Variants in EFNA5 observed in about 807,000 individuals in gnomAD.
EFNA5 encodes the protein ephrin A5.
EFNA5 carries 5 observed loss-of-function variants against 22.9 expected under a neutral mutation model. The observed-to-expected ratio is 0.22, with a 90% CI of 0.11 to 0.46. EFNA5 has a LOEUF of 0.46. Among genes scored for constraint, EFNA5 ranks in the 20% least tolerant of loss-of-function variants. The pLI is 0.99. For synonymous variants in EFNA5, 113 were observed against 112.2 expected (o/e 1.01, Z -0.04); for missense variants, 237 against 293.3 (o/e 0.81, Z 1.40).
chr5:107,454,408 G>T (rs1039294060), intron 1 of EFNA5, among the ~76,000 whole-genome samples: 1 of 151,918 alleles, frequency 6.6e-6, no homozygotes, highest in Non-Finnish European at 1.5e-5. Flanking sequence ...ATCATCCAAA[G>T]GACTACATTA....
rs888285550 is a variant in EFNA5 at position 107,628,338 on chromosome 5, C to T, written c.125+42151G>A. On this transcript the variant is annotated intron_variant, in intron 1 of 4. Transcript: ENST00000333274. ...AACTTTAATTTTAAAAATAAATAGG[C>T]TTATTAAGTTACACATATTGTAATA... Among the ~76,000 whole-genome samples the T allele has an allele frequency of 5.9e-5, 9 of 152,206 alleles. 1 individual carries two copies. The highest frequency in any genetic ancestry group is 3.3e-4 in the Admixed American group (5 of 15,292).
intron 1 of EFNA5, among the ~76,000 whole-genome samples, chr5:107,429,076 A>C (rs1160504661): frequency 6.6e-6 from 1 of 152,142 alleles, no homozygotes; most frequent in Non-Finnish European, 1.5e-5. Context: ...ATTCCCCATA[A>C]AATGCAGCAC....
chr5:107,658,396 C>A (rs1386079847), intron 1 of EFNA5, among the ~76,000 whole-genome samples: 1 of 152,022 alleles, frequency 6.6e-6, no homozygotes, highest in Non-Finnish European at 1.5e-5. Flanking sequence ...CTACAGAGAC[C>A]AAATCTTATA....
chr5:107,555,882 C>T (rs1414937316), intron 1 of EFNA5, among the ~76,000 whole-genome samples: 1 of 152,220 alleles, frequency 6.6e-6, no homozygotes, highest in South Asian at 2.1e-4. Context: ...CCTTAGGGTG[C>T]AGAGTAAAAC....
chr5:107,403,206 G>C (rs1748129593), intron 2 of EFNA5, among the ~76,000 whole-genome samples: 1 of 152,172 alleles, frequency 6.6e-6, no homozygotes, highest in Non-Finnish European at 1.5e-5. Context: ...AAAAGAGTTA[G>C]ACACGATTTC....
chr5:107,513,322 C>G (rs1035328174), intron 1 of EFNA5, among the ~76,000 whole-genome samples: 1 of 152,146 alleles, frequency 6.6e-6, no homozygotes, highest in Non-Finnish European at 1.5e-5. Context: ...AGGAAACACT[C>G]GCTTGGGAGC....
intron 2 of EFNA5, among the ~76,000 whole-genome samples, chr5:107,406,344 T>C (rs1245338168): frequency 2.6e-5 from 4 of 152,014 alleles, no homozygotes; most frequent in South Asian, 4.1e-4. Context: ...TCTACGTTCC[T>C]TTCCCTTTGT....
chr5:107,632,560 C>T lies in EFNA5; in HGVS notation c.125+37929G>A, dbSNP rs1401965527. Among the ~76,000 whole-genome samples the T allele has an allele frequency of 1.3e-5, 2 of 152,118 alleles. 1 individual carries two copies. The highest frequency in any genetic ancestry group is 3.9e-4 in the East Asian group (2 of 5,188). On this transcript the variant is annotated intron_variant, in intron 1 of 4. Coordinates refer to ENST00000333274, the MANE Select transcript of EFNA5 (RefSeq NM_001962.3). The stretch of plus-strand genomic sequence containing the variant: ...ATTCTCCCCTCCAGCATCCTTTCCC[C>T]GTCTTCCTTGTTCTTCTCTTCATCT...
chr5:107,468,159 C>G (rs1750042506), intron 1 of EFNA5, among the ~76,000 whole-genome samples: 1 of 152,128 alleles, frequency 6.6e-6, no homozygotes, highest in Admixed American at 6.6e-5. Flanking sequence ...AATGCAAAAT[C>G]ACAGTTTTTA....
At chr5:107,468,333 C>CT (rs1295596256) in intron 1 of EFNA5, among the ~76,000 whole-genome samples, 2 of 152,118 alleles carry the variant, frequency 1.3e-5, no homozygotes, top group Non-Finnish European at 2.9e-5. Flanking sequence ...AACAAAATTG[C>CT]TTTTAATGAC....
chr5:107,565,302 G>A (rs1748642473), intron 1 of EFNA5, among the ~76,000 whole-genome samples: 1 of 152,178 alleles, frequency 6.6e-6, no homozygotes, highest in Admixed American at 6.5e-5. Context: ...AGTACGCATA[G>A]CTATGCTATG....
chr5:107,616,646 G>A (rs1234885187), intron 1 of EFNA5, among the ~76,000 whole-genome samples: 4 of 152,120 alleles, frequency 2.6e-5, no homozygotes, highest in African/African-American at 9.7e-5. Context: ...GACAAAGGAA[G>A]AAAGAAAAGA....
intron 1 of EFNA5, among the ~76,000 whole-genome samples, chr5:107,654,165 G>A (rs1397528308): frequency 1.3e-5 from 2 of 152,064 alleles, no homozygotes; most frequent in African/African-American, 2.4e-5. Context: ...AGTAAAAGAG[G>A]CTTACTATGG....
At chr5:107,534,837 A>G (rs779445267) in intron 1 of EFNA5, among the ~76,000 whole-genome samples, 4 of 152,224 alleles carry the variant, frequency 2.6e-5, no homozygotes, top group Admixed American at 1.3e-4. Flanking sequence ...CTAAAGGAAA[A>G]CAAAATTGAT....
chr5:107,580,721 C>CAAA (rs56868732), intron 1 of EFNA5, among the ~76,000 whole-genome samples: 15 of 83,630 alleles, frequency 1.8e-4, no homozygotes, highest in African/African-American at 2.3e-4. Flanking sequence ...GACTCCATCT[C>CAAA]AAAAAAAAAA....
intron 1 of EFNA5, among the ~76,000 whole-genome samples, chr5:107,643,718 A>C (rs1282700022): frequency 6.6e-6 from 1 of 152,120 alleles, no homozygotes; most frequent in Non-Finnish European, 1.5e-5. Flanking sequence ...AAGGACCAGA[A>C]GAGAGAAGAA....
intron 1 of EFNA5, among the ~76,000 whole-genome samples, chr5:107,655,182 G>A (rs1320939047): frequency 6.6e-6 from 1 of 152,040 alleles, no homozygotes; most frequent in Non-Finnish European, 1.5e-5. Flanking sequence ...AAGTAAGCCT[G>A]GAGCAAGGGA....
intron 2 of EFNA5, among the ~76,000 whole-genome samples, chr5:107,397,702 G>A (rs1371212761): frequency 6.6e-6 from 1 of 152,018 alleles, no homozygotes; most frequent in Non-Finnish European, 1.5e-5. Context: ...ATTCATTTAG[G>A]CTGGAGGCTC....
intron 1 of EFNA5, among the ~76,000 whole-genome samples, chr5:107,616,233 T>A (rs940848087): frequency 6.6e-6 from 1 of 152,216 alleles, no homozygotes; most frequent in Non-Finnish European, 1.5e-5. Flanking sequence ...ATATAATTCA[T>A]GGTCAAGTGT....
Sources: allele counts gnomAD v4.1 joint callset (sites outside exome capture counted in the v4.1 genomes callset), GRCh38; gene constraint gnomAD v4.1.1; transcripts MANE v1.5; gene names NCBI Gene and HGNC (gene_info 2026-07-23, HGNC 2026-07-21).